Variants in FAM114A1 observed in about 807,000 individuals in gnomAD.
The protein encoded by FAM114A1 is protein NOXP20.
FAM114A1 carries 62 observed loss-of-function variants against 64.3 expected under a neutral mutation model. The ratio of observed to expected loss-of-function variants is 0.96; its 90% CI spans 0.79 to 1.19. FAM114A1 has a LOEUF of 1.19. Ranked by LOEUF, FAM114A1 falls within the 50% of genes most tolerant of loss-of-function variation. The pLI is 0.00. For synonymous variants in FAM114A1, 254 were observed against 251.1 expected (o/e 1.01, Z -0.11); for missense variants, 645 against 676.3 (o/e 0.95, Z 0.51).
intron 13 of FAM114A1, chr4:38,938,790 G>A (rs1227285620): frequency 6.6e-6 from 1 of 152,128 alleles, no homozygotes; most frequent in African/African-American, 2.4e-5. Context: ...ATTCCCAGTT[G>A]GTTATCCACC....
chr4:38,931,413 G>A, intron 10 of FAM114A1, 38 bp from the exon 11 acceptor site: 1 of 1,564,780 alleles, frequency 6.4e-7, no homozygotes, highest in Non-Finnish European at 8.6e-7. Flanking sequence ...TTCCATATTT[G>A]CGCCATAAAA....
chr4:38,898,036 T>G (rs1159690957), intron 4 of FAM114A1, among the ~76,000 whole-genome samples: 1 of 151,958 alleles, frequency 6.6e-6, no homozygotes, highest in Non-Finnish European at 1.5e-5. Flanking sequence ...GCTTCCAAAA[T>G]GTATTACTAG....
chr4:38,942,400 T>C (rs1035977114), intron 14 of FAM114A1, among the ~76,000 whole-genome samples: 1 of 152,044 alleles, frequency 6.6e-6, no homozygotes, highest in Non-Finnish European at 1.5e-5. Flanking sequence ...TAGGGGCAGG[T>C]CTTGGAGGAA....
chr4:38,878,228 G>C lies in FAM114A1; in HGVS notation c.150G>C (p.Gly50=). 6.2e-7 allele frequency: 1 copy of C among 1,614,208 alleles called. No homozygotes were observed. Among genetic ancestry groups the C allele is most frequent in the East Asian group, 2.2e-5 (1 of 44,886 alleles). ...SHEPTPADPR[G]EGHENAAVQG... The stretch of plus-strand genomic sequence containing the variant: ...AGCCAACACCAGCTGACCCCAGAGG[G>C]GAGGGGCATGAAAATGCAGCTGTGC... Residue 50 remains glycine, a synonymous_variant, in exon 3 of 15, where the codon GGG becomes GGC. Coordinates refer to ENST00000358869, the MANE Select transcript of FAM114A1 (RefSeq NM_138389.4).
At chr4:38,900,682 G>A (rs1000309316) in intron 4 of FAM114A1, among the ~76,000 whole-genome samples, 1 of 152,208 alleles carries the variant, frequency 6.6e-6, no homozygotes, top group East Asian at 1.9e-4. Flanking sequence ...CTTCTGTGGG[G>A]CACTTAGAAA....
chr4:38,909,653 G>A (rs920856876), intron 7 of FAM114A1, among the ~76,000 whole-genome samples: 21 of 152,298 alleles, frequency 1.4e-4, no homozygotes, highest in African/African-American at 5.1e-4. Flanking sequence ...TCCTCCACGA[G>A]AGACTGATAC....
chr4:38,935,844 G>T, intron 13 of FAM114A1, 54 bp downstream of exon 13: 2 of 1,296,360 alleles, frequency 1.5e-6, no homozygotes, highest in South Asian at 1.2e-5. Context: ...GTATGTCTGT[G>T]AGGAAATGTG....
In FAM114A1 at chr4:38,905,652, C is replaced by T. The variant is rs748910174; in HGVS notation, c.550+17C>T. The stretch of plus-strand genomic sequence containing the variant: ...TCCCTGAAAGTGAGTGATGTGTCTC[C>T]TCTGGGTGTTCTTGGACTTTATTAC... On this transcript the variant is annotated intron_variant, in intron 5 of 14. Transcript: ENST00000358869. 3 of 1,611,802 alleles carry T rather than the reference C, an allele frequency of 1.9e-6. No homozygotes were observed. Among genetic ancestry groups the T allele is most frequent in the South Asian group, 2.2e-5 (2 of 90,986 alleles).
intron 13 of FAM114A1, among the ~76,000 whole-genome samples, chr4:38,939,844 T>C (rs10015033): frequency 0.091 from 13,706 of 151,416 alleles, 1,322 homozygotes; most frequent in African/African-American, 0.24. Context: ...ACCGATAGCA[T>C]AAGCAAAGAT....
intron 9 of FAM114A1, among the ~76,000 whole-genome samples, chr4:38,926,781 T>A (rs959913256): frequency 6.6e-6 from 1 of 152,140 alleles, no homozygotes; most frequent in African/African-American, 2.4e-5. Flanking sequence ...TGAGACTGTC[T>A]CTCTATCTCT....
At chr4:38,900,203 A>G (rs1717377450) in intron 4 of FAM114A1, among the ~76,000 whole-genome samples, 1 of 150,020 alleles carries the variant, frequency 6.7e-6, no homozygotes, top group Non-Finnish European at 1.5e-5. Context: ...CTAATATTTC[A>G]GTATAAGAAT....
chr4:38,878,420 T>G lies in FAM114A1; in HGVS notation c.342T>G (p.Asn114Lys). 1 of 1,586,030 alleles carries G rather than the reference T, an allele frequency of 6.3e-7. No homozygotes were observed. The highest frequency in any genetic ancestry group is 1.2e-5 in the South Asian group (1 of 86,314). Residue 114 changes from asparagine (N) to lysine (K), a missense_variant, in exon 3 of 15, where the codon AAT becomes AAG. By Grantham distance (94) the Asn-to-Lys change is moderately conservative. Transcript: ENST00000358869. Reference sequence around the variant, plus strand: ...CCGAAATACCCCTGCAAGAACAGAATTATCTGGTAAGAATGGGTCATTCAA... The same window carrying G: ...CCGAAATACCCCTGCAAGAACAGAAGTATCTGGTAAGAATGGGTCATTCAA... The part of the protein sequence containing the change: ...PRSEIPLQEQ[N>K]YLAVDSPPSG...
chr4:38,888,346 T>C (rs1716012875), intron 3 of FAM114A1, among the ~76,000 whole-genome samples: 1 of 152,040 alleles, frequency 6.6e-6, no homozygotes, highest in African/African-American at 2.4e-5. Flanking sequence ...AGTGAGATCC[T>C]GTCTCTACAA....
intron 3 of FAM114A1, among the ~76,000 whole-genome samples, chr4:38,882,023 C>G (rs1177094034): frequency 2.0e-5 from 3 of 152,230 alleles, no homozygotes; most frequent in Non-Finnish European, 2.9e-5. Flanking sequence ...AAAAAAGTTT[C>G]TGACCAGGGC....
intron 12 of FAM114A1, 132 bp from the exon 13 acceptor site, chr4:38,935,586 C>T (rs1721009358): frequency 1.7e-6 from 1 of 585,402 alleles, no homozygotes; most frequent in Non-Finnish European, 2.9e-6. Context: ...CTGCACATTT[C>T]TGTAGAGCAT....
chr4:38,892,851 T>C (rs994398427), intron 4 of FAM114A1, among the ~76,000 whole-genome samples: 8 of 152,218 alleles, frequency 5.3e-5, no homozygotes, highest in Non-Finnish European at 1.2e-4. Flanking sequence ...ACCACAGTGT[T>C]AAGGGCCAGA....
intron 3 of FAM114A1, among the ~76,000 whole-genome samples, chr4:38,890,720 G>A (rs544528083): frequency 2.0e-5 from 3 of 152,098 alleles, no homozygotes; most frequent in Non-Finnish European, 4.4e-5. Flanking sequence ...ACAGAAACAC[G>A]CATACCTGAG....
At chr4:38,903,881 T>A (rs1717743259) in intron 4 of FAM114A1, among the ~76,000 whole-genome samples, 1 of 152,222 alleles carries the variant, frequency 6.6e-6, no homozygotes, top group African/African-American at 2.4e-5. Context: ...GACAGGTGAT[T>A]TCCATTGGAC....
chr4:38,921,930 G>GTTTA (rs556437360), intron 8 of FAM114A1, among the ~76,000 whole-genome samples: 41 of 152,188 alleles, frequency 2.7e-4, no homozygotes, highest in Non-Finnish European at 4.9e-4. Flanking sequence ...ATGCATGTTT[G>GTTTA]TTTATTTATT....
Sources: allele counts gnomAD v4.1 joint callset (sites outside exome capture counted in the v4.1 genomes callset), GRCh38; gene constraint gnomAD v4.1.1; transcripts MANE v1.5; gene names NCBI Gene and HGNC (gene_info 2026-07-23, HGNC 2026-07-21).